The following ELAVL2 variants were observed in gnomAD, a reference collection of about 807,000 sequenced individuals.
ELAVL2 encodes the protein ELAV like RNA binding protein 2, also known as ELAV-like protein 2.
In ELAVL2, 4 loss-of-function variants were observed where a neutral mutation model predicts 34.6. That is an observed-to-expected ratio of 0.12 (90% CI 0.06 to 0.26). The LOEUF is 0.26. Ranked by LOEUF, ELAVL2 falls within the 10% of genes least tolerant of loss-of-function variation. ELAVL2 has a pLI of 1.00. For missense variants in ELAVL2, 432 were observed against 442.8 expected (o/e 0.98, Z 0.22); for synonymous variants, 193 against 154.8 (o/e 1.25, Z -1.83).
At chr9:23,814,439 G>A (rs771642751) in intron 1 of ELAVL2, among the ~76,000 whole-genome samples, 2 of 152,142 alleles carry the variant, frequency 1.3e-5, no homozygotes, top group African/African-American at 2.4e-5. Flanking sequence ...TCCCAAAGAG[G>A]GGAGGAAGGC....
chr9:23,730,850 C>T (rs562561349), intron 3 of ELAVL2, among the ~76,000 whole-genome samples, 172 bp downstream of exon 3: 38 of 152,186 alleles, frequency 2.5e-4, no homozygotes, highest in African/African-American at 8.9e-4. Flanking sequence ...TTATACATAG[C>T]ACTCTTGAAC....
At chr9:23,796,032 T>G (rs1473945174) in intron 1 of ELAVL2, among the ~76,000 whole-genome samples, 2 of 152,246 alleles carry the variant, frequency 1.3e-5, no homozygotes, top group Non-Finnish European at 2.9e-5. Flanking sequence ...GTACCCATTT[T>G]GGTCCTTGGA....
the ELAVL2 span, among the ~76,000 whole-genome samples, chr9:23,846,871 G>A: frequency 6.6e-6 from 1 of 151,974 alleles, no homozygotes; most frequent in African/African-American, 2.4e-5. Context: ...TTAAAATCTA[G>A]TATCTTTCTA....
At chr9:23,721,115 G>A (rs759749613) in intron 3 of ELAVL2, among the ~76,000 whole-genome samples, 3 of 152,158 alleles carry the variant, frequency 2.0e-5, no homozygotes, top group Non-Finnish European at 4.4e-5. Flanking sequence ...TTCTAAATAA[G>A]ACAAATGCCA....
chr9:23,835,845 A>G, the ELAVL2 span, among the ~76,000 whole-genome samples: 1 of 152,306 alleles, frequency 6.6e-6, no homozygotes, highest in East Asian at 1.9e-4. Context: ...ATTGTAGGTA[A>G]CAATAGAAAA....
chr9:23,703,831 G>GCTT (rs1474896303), intron 4 of ELAVL2, among the ~76,000 whole-genome samples: 1 of 152,124 alleles, frequency 6.6e-6, no homozygotes, highest in Non-Finnish European at 1.5e-5. Context: ...TCATGTGGCT[G>GCTT]CTTCAGTCTA....
chr9:23,816,713 T>C (rs1395207845), intron 1 of ELAVL2, among the ~76,000 whole-genome samples: 2 of 152,118 alleles, frequency 1.3e-5, no homozygotes, highest in East Asian at 1.9e-4. Flanking sequence ...AGAGACTCTC[T>C]CGATATAGGG....
chr9:23,730,688 C>A (rs866483785), intron 3 of ELAVL2, among the ~76,000 whole-genome samples: 9 of 152,144 alleles, frequency 5.9e-5, no homozygotes, highest in Middle Eastern at 3.4e-3. Flanking sequence ...TTATTCACTA[C>A]CCAGACCTTT....
intron 3 of ELAVL2, among the ~76,000 whole-genome samples, chr9:23,707,276 T>C (rs1334174863): frequency 1.3e-5 from 2 of 152,210 alleles, no homozygotes; most frequent in African/African-American, 2.4e-5. Flanking sequence ...CATTCAGTAA[T>C]ATGAATCAAT....
Position 23,692,380 on chromosome 9 carries a change from A to C in ELAVL2, c.*177T>G. 1.5e-6 allele frequency: 1 copy of C among 666,850 alleles called. No individual in the cohort carries two copies. 41.3% of individuals were successfully genotyped at this position (666,850 alleles called of 1,614,324 possible). A position where few individuals can be genotyped will look rare whatever the true frequency, so the allele number is the denominator to read the frequency against. ...ATTCAAACATAAAAGATATTTAAGA[A>C]GTTTTAATTCAAATACTAGCAATAA... On this transcript the variant is annotated 3_prime_UTR_variant, in exon 7 of 7. Transcript: ENST00000397312.
intron 1 of ELAVL2, among the ~76,000 whole-genome samples, chr9:23,811,419 T>C (rs1433050130): frequency 6.6e-6 from 1 of 151,592 alleles, no homozygotes; most frequent in Non-Finnish European, 1.5e-5. Flanking sequence ...AGCACTGGCA[T>C]GAGAAAGCCA....
intron 2 of ELAVL2, among the ~76,000 whole-genome samples, chr9:23,739,408 G>A (rs576896505): frequency 1.3e-5 from 2 of 152,248 alleles, no homozygotes; most frequent in South Asian, 2.1e-4. Context: ...AGTCATACCT[G>A]ACAGTTCAAA....
chr9:23,699,566 G>C (rs978400337), intron 5 of ELAVL2, among the ~76,000 whole-genome samples: 1 of 152,092 alleles, frequency 6.6e-6, no homozygotes, highest in African/African-American at 2.4e-5. Context: ...AAATTAACTG[G>C]ACAAGCTGCC....
intron 1 of ELAVL2, among the ~76,000 whole-genome samples, chr9:23,790,832 T>C (rs556709499): frequency 6.6e-6 from 1 of 152,258 alleles, no homozygotes; most frequent in South Asian, 2.1e-4. Flanking sequence ...ACACAAAACA[T>C]CCTAAACCTC....
intron 5 of ELAVL2, among the ~76,000 whole-genome samples, chr9:23,700,484 T>G (rs2036802346): frequency 6.6e-6 from 1 of 152,132 alleles, no homozygotes; most frequent in African/African-American, 2.4e-5. Context: ...TGAGATAGAG[T>G]GTCTTCTTTG....
chr9:23,797,257 C>G (rs991768871), intron 1 of ELAVL2, among the ~76,000 whole-genome samples: 1 of 152,100 alleles, frequency 6.6e-6, no homozygotes, highest in Non-Finnish European at 1.5e-5. Context: ...AAAACACAGG[C>G]GTTTTCAAAA....
rs146557948 is a variant in ELAVL2, at chr9:23,783,421, A to G, written c.-15-21172T>C. On this transcript the variant is annotated intron_variant, in intron 1 of 6. Transcript: ENST00000397312. ...AGAAAAACATGTAACTTCAGAGAGC[A>G]TGAAAAACTGGTACAATTCTGCACA... 2,035 of 984,520 alleles carry G rather than the reference A, an allele frequency of 2.1e-3. 4 individuals are homozygous for G. Among genetic ancestry groups the G allele is most frequent in the Middle Eastern group, 8.9e-3 (17 of 1,910 alleles). The allele number at this position is 984,520 out of a possible 1,614,324, so 61.0% of individuals were successfully genotyped here.
At chr9:23,706,104 GTCTTTTTAACCT>G (rs1294588298) in intron 3 of ELAVL2, among the ~76,000 whole-genome samples, 1 of 152,018 alleles carries the variant, frequency 6.6e-6, no homozygotes, top group African/African-American at 2.4e-5. Flanking sequence ...TCATCCACAG[GTCTTTTTAACCT>G]TGATTTTCAA....
intron 2 of ELAVL2, among the ~76,000 whole-genome samples, chr9:23,755,361 A>AG (rs2053295108): frequency 6.6e-6 from 1 of 152,214 alleles, no homozygotes; most frequent in Admixed American, 6.5e-5. Flanking sequence ...AAAAATACCC[A>AG]GGTTCAAGTA....
Sources: allele counts gnomAD v4.1 joint callset (sites outside exome capture counted in the v4.1 genomes callset), GRCh38; gene constraint gnomAD v4.1.1; transcripts MANE v1.5; gene names NCBI Gene and HGNC (gene_info 2026-07-23, HGNC 2026-07-21).